Variants in NEGR1 observed in about 807,000 individuals in gnomAD.
NEGR1 encodes IgLON family member 4.
In NEGR1, 10 loss-of-function variants were observed where a neutral mutation model predicts 40.9. That is an observed-to-expected ratio of 0.24 (90% CI 0.15 to 0.42). The LOEUF is 0.42. NEGR1 is among the 10% of genes least tolerant of loss of function. The pLI, the probability that NEGR1 is intolerant of heterozygous loss-of-function variation, is 1.00. For synonymous variants in NEGR1, 185 were observed against 166.8 expected, an observed-to-expected ratio of 1.11 and a Z score of -0.84; for missense variants, 352 against 438.9, an observed-to-expected ratio of 0.80 and a Z score of 1.77.
At chr1:71,945,414 C>G (rs757732822) in intron 1 of NEGR1, among the ~76,000 whole-genome samples, 102 of 151,942 alleles carry the variant, frequency 6.7e-4, no homozygotes, top group Admixed American at 2.3e-3. Context: ...AACAAAAAAC[C>G]CTATGTATAA....
At chr1:71,522,728 C>G (rs944307717) in intron 6 of NEGR1, among the ~76,000 whole-genome samples, 1 of 86,382 alleles carries the variant, frequency 1.2e-5, no homozygotes, top group African/African-American at 3.0e-5. Flanking sequence ...CTACCCCCCC[C>G]TTACACACAC....
At chr1:71,965,382 A>C (rs2100304420) in intron 1 of NEGR1, among the ~76,000 whole-genome samples, 1 of 152,322 alleles carries the variant, frequency 6.6e-6, no homozygotes, top group South Asian at 2.1e-4. Context: ...ATGTATTATA[A>C]ACACTACACT....
intron 6 of NEGR1, among the ~76,000 whole-genome samples, chr1:71,443,668 A>T (rs565329890): frequency 2.0e-4 from 30 of 152,360 alleles, no homozygotes; most frequent in African/African-American, 7.0e-4. Flanking sequence ...TAAAGCTCAT[A>T]TTCTAATTGG....
At chr1:71,664,836 TGCA>T (rs1415145406) in intron 4 of NEGR1, among the ~76,000 whole-genome samples, 1 of 152,182 alleles carries the variant, frequency 6.6e-6, no homozygotes, top group African/African-American at 2.4e-5. Flanking sequence ...ATCCTACTAT[TGCA>T]GCAGAATAGT....
chr1:71,940,874 T>C (rs964429209), intron 1 of NEGR1, among the ~76,000 whole-genome samples: 5 of 152,164 alleles, frequency 3.3e-5, no homozygotes, highest in African/African-American at 1.2e-4. Context: ...TTTTGTCTAC[T>C]TATATCTCAA....
At chr1:71,555,570 G>C (rs1570025180) in intron 6 of NEGR1, among the ~76,000 whole-genome samples, 1 of 151,696 alleles carries the variant, frequency 6.6e-6, no homozygotes, top group Admixed American at 6.6e-5. Context: ...AATTTGATAA[G>C]AGCACTGCTG....
intron 1 of NEGR1, among the ~76,000 whole-genome samples, chr1:72,147,448 C>T (rs570728756): frequency 6.6e-6 from 1 of 152,148 alleles, no homozygotes; most frequent in Non-Finnish European, 1.5e-5. Context: ...CAACTACCTA[C>T]ACCTAGGTCC....
chr1:71,649,559 T>C (rs932829504), intron 4 of NEGR1, among the ~76,000 whole-genome samples: 4 of 152,054 alleles, frequency 2.6e-5, no homozygotes, highest in African/African-American at 9.7e-5. Flanking sequence ...ATAAAATACA[T>C]TAAAGTAGGA....
At position 71,503,977 on chromosome 1, in the gene NEGR1, T is replaced by C. The variant is rs527865610; in HGVS notation, c.940+88840A>G. ...GGGATCAGGCCCAAATGTGGGATCT[T>C]GAGGAACTAATAATTAAAGGGAACA... On this transcript the variant is annotated intron_variant, in intron 6 of 6. Transcript: ENST00000357731. Among the ~76,000 whole-genome samples the C allele has an allele frequency of 4.6e-5, 7 of 150,766 alleles. No homozygotes were observed. The South Asian group carries it at 1.1e-3, about 23-fold the overall frequency.
At chr1:71,557,313 A>C (rs1648285124) in intron 6 of NEGR1, among the ~76,000 whole-genome samples, 1 of 151,574 alleles carries the variant, frequency 6.6e-6, no homozygotes, top group Non-Finnish European at 1.5e-5. Context: ...TGGAACTGGT[A>C]ATACTTAAAG....
At chr1:71,723,213 C>T (rs1654568045) in intron 3 of NEGR1, among the ~76,000 whole-genome samples, 1 of 151,932 alleles carries the variant, frequency 6.6e-6, no homozygotes, top group Admixed American at 6.6e-5. Context: ...TCTTTGGTCT[C>T]TTGGTGTTGT....
chr1:71,852,909 G>C (rs1659652437), intron 2 of NEGR1, among the ~76,000 whole-genome samples: 1 of 150,900 alleles, frequency 6.6e-6, no homozygotes. Flanking sequence ...TAAAACTAAA[G>C]AATGGAAAAC....
intron 2 of NEGR1, among the ~76,000 whole-genome samples, chr1:71,879,940 G>A (rs1453888652): frequency 1.3e-5 from 2 of 152,068 alleles, no homozygotes; most frequent in African/African-American, 2.4e-5. Context: ...TCTTACTTCA[G>A]AAATTGAAGC....
chr1:71,731,550 G>C (rs1654867821), intron 3 of NEGR1, among the ~76,000 whole-genome samples: 1 of 152,220 alleles, frequency 6.6e-6, no homozygotes, highest in Admixed American at 6.5e-5. Flanking sequence ...AGAGCAATAA[G>C]TGGAAAAGGA....
At chr1:72,022,296 T>TAC (rs1646767624) in intron 1 of NEGR1, among the ~76,000 whole-genome samples, 2 of 120,144 alleles carry the variant, frequency 1.7e-5, no homozygotes, top group African/African-American at 7.0e-5. Context: ...TATATATATA[T>TAC]ATATACACGA....
intron 2 of NEGR1, among the ~76,000 whole-genome samples, chr1:71,894,702 T>A (rs1459331302): frequency 6.6e-6 from 1 of 152,188 alleles, no homozygotes; most frequent in Non-Finnish European, 1.5e-5. Flanking sequence ...TGTCAATCCT[T>A]CTTTAACAAA....
At chr1:72,194,180 TCTTA>T (rs1652919894) in intron 1 of NEGR1, among the ~76,000 whole-genome samples, 1 of 152,016 alleles carries the variant, frequency 6.6e-6, no homozygotes, top group African/African-American at 2.4e-5. Context: ...CAAATGTTTG[TCTTA>T]CTTCTCTGTG....
intron 2 of NEGR1, among the ~76,000 whole-genome samples, chr1:71,854,535 T>A (rs1358831126): frequency 6.6e-6 from 1 of 152,074 alleles, no homozygotes; most frequent in Non-Finnish European, 1.5e-5. Flanking sequence ...ATAATTATAA[T>A]CGTATTAGTC....
chr1:72,226,170 C>T (rs144191709), intron 1 of NEGR1, among the ~76,000 whole-genome samples: 410 of 151,770 alleles, frequency 2.7e-3, no homozygotes, highest in African/African-American at 9.0e-3. Flanking sequence ...ACCTATATTG[C>T]TAAAATAAAA....
Sources: allele counts gnomAD v4.1 joint callset (sites outside exome capture counted in the v4.1 genomes callset), GRCh38; gene constraint gnomAD v4.1.1; transcripts MANE v1.5; gene names NCBI Gene and HGNC (gene_info 2026-07-23, HGNC 2026-07-21).